The following MEST variants were observed in gnomAD, a reference collection of about 807,000 sequenced individuals.
The protein encoded by MEST is mesoderm specific transcript.
Under a neutral mutation model 50.9 loss-of-function variants are expected in MEST, and 18 were observed. That is an observed-to-expected ratio of 0.35 (90% CI 0.24 to 0.52). The LOEUF (loss-of-function observed/expected upper bound fraction) is 0.52, where lower values mean the gene tolerates loss of function less well. Among genes scored for constraint, MEST ranks in the 20% least tolerant of loss-of-function variants. MEST has a pLI of 0.94. For synonymous variants in MEST, 130 were observed against 154.1 expected (o/e 0.84, Z 1.16); for missense variants, 282 against 425.3 (o/e 0.66, Z 2.96).
chr7:130,501,670 A>C (rs1051464027), intron 9 of MEST, among the ~76,000 whole-genome samples: 1 of 152,004 alleles, frequency 6.6e-6, no homozygotes, highest in African/African-American at 2.4e-5. Flanking sequence ...ATCTGTGGTC[A>C]GATGAAGCTT....
chr7:130,501,379 G>T (rs142432833), intron 9 of MEST, among the ~76,000 whole-genome samples: 6 of 152,288 alleles, frequency 3.9e-5, no homozygotes, highest in African/African-American at 1.2e-4. Context: ...GCTGGGGATT[G>T]TATGTTAGAG....
rs571953447 is a variant in MEST, at chr7:130,494,237, G to A, written c.27-1131G>A. Among the ~76,000 whole-genome samples, 7 of 152,320 alleles carry A rather than the reference G, an allele frequency of 4.6e-5. 1 individual carries two copies. The East Asian group carries it at 9.6e-4, about 21-fold the overall frequency. On this transcript the variant is annotated intron_variant, in intron 1 of 11. Coordinates refer to ENST00000223215, the MANE Select transcript of MEST (RefSeq NM_002402.4). ...TTACAGGCAATAGGGAAGAATGTGTGTACAGACGGAAAGCCATTTCCCCCA... is the reference window on the plus strand; with the variant it reads ...TTACAGGCAATAGGGAAGAATGTGTATACAGACGGAAAGCCATTTCCCCCA...
intron 10 of MEST, among the ~76,000 whole-genome samples, chr7:130,503,533 G>A (rs917010401): frequency 2.0e-5 from 3 of 152,232 alleles, no homozygotes; most frequent in Non-Finnish European, 4.4e-5. Context: ...CTTGGGCTGG[G>A]TGAGGATGCT....
At chr7:130,489,248 TA>T (rs1429828613), upstream of MEST, 3 of 152,242 alleles carry the variant, frequency 2.0e-5, no homozygotes, top group Admixed American at 6.5e-5. Context: ...GGAACTGTGT[TA>T]GACTTGGAAT....
chr7:130,502,186 C>T (rs913775698), intron 9 of MEST, among the ~76,000 whole-genome samples: 12 of 152,126 alleles, frequency 7.9e-5, no homozygotes, highest in African/African-American at 2.9e-4. Flanking sequence ...GCACCTGTGA[C>T]TAGCCACTGC....
chr7:130,502,826 A>G, intron 10 of MEST, 106 bp downstream of exon 10: 1 of 733,000 alleles, frequency 1.4e-6, no homozygotes, highest in Non-Finnish European at 2.2e-6. Context: ...ATAAAAATAT[A>G]AGATACCCAG....
intron 2 of MEST, chr7:130,495,857 T>G: frequency 3.4e-6 from 1 of 292,810 alleles, no homozygotes; most frequent in Non-Finnish European, 6.5e-6. Flanking sequence ...TCTCTCTCCT[T>G]ACCATCCCTG....
chr7:130,495,777 A>ATTTTTT (rs1563021896), intron 2 of MEST: 28 of 201,944 alleles, frequency 1.4e-4, no homozygotes, highest in South Asian at 2.7e-4. Flanking sequence ...TTCCAATATT[A>ATTTTTT]GTTTTTTTTT....
At chr7:130,490,522 G>A (rs1002321381), upstream of MEST, among the ~76,000 whole-genome samples, 2 of 152,258 alleles carry the variant, frequency 1.3e-5, no homozygotes, top group Middle Eastern at 3.4e-3. Context: ...TTTATTAGGG[G>A]CCAGCTTTGT....
upstream of MEST, chr7:130,488,985 A>G (rs1798705456): frequency 6.6e-6 from 1 of 152,156 alleles, no homozygotes; most frequent in Non-Finnish European, 1.5e-5. Flanking sequence ...TTCTCCCATT[A>G]TGAAGTGTTT....
exon 1 of MEST, chr7:130,486,390 A>T (rs958784482): frequency 2.0e-5 from 3 of 152,304 alleles, no homozygotes; most frequent in East Asian, 1.9e-4. Flanking sequence ...GTCTTACCTG[A>T]ATCAGGTAAG....
upstream of MEST, chr7:130,487,866 C>T (rs1380405917): frequency 2.6e-5 from 4 of 152,320 alleles, no homozygotes; most frequent in Admixed American, 1.3e-4. Flanking sequence ...AGGCTGGTCT[C>T]GAACTCCTGA....
Position 130,500,709 on chromosome 7 carries a change from C to A in MEST, c.648-80C>A. 1 of 1,299,216 alleles carries A rather than the reference C, an allele frequency of 7.7e-7. No individual in the cohort carries two copies. Among genetic ancestry groups the A allele is most frequent in the Non-Finnish European group, 1.1e-6 (1 of 926,210 alleles). The allele number at this position is 1,299,216 out of a possible 1,614,324, so 80.5% of individuals were successfully genotyped here. On this transcript the variant is annotated intron_variant, in intron 8 of 11. Coordinates refer to ENST00000223215, the MANE Select transcript of MEST (RefSeq NM_002402.4). The surrounding 1 kb of genome is among the most constrained non-coding windows in gnomAD (Gnocchi z 5.0). The stretch of plus-strand genomic sequence containing the variant: ...GGGTCAGACTGCATGGCCCAGACTG[C>A]ATGGCCTCTGAGGTTCCAGCCATAT...
At position 130,500,495 on chromosome 7, in the gene MEST, C is replaced by T. The variant is rs1554438265; in HGVS notation, c.610C>T (p.Leu204Phe). 1 of 1,613,782 alleles carries T rather than the reference C, an allele frequency of 6.2e-7. No individual in the cohort carries two copies. ...AGATGGAGGTGTGCTGTCACCCATC[C>T]TCACACGACTGATGAACTTCTTTGT... ...LKDGGVLSPILTRLMNFFVFS... is the reference protein window; with the variant it reads ...LKDGGVLSPIFTRLMNFFVFS... The change falls in exon 8 of 12, where the codon CTC becomes TTC. Residue 204 changes from leucine to phenylalanine, a missense_variant. Leu to Phe is a conservative substitution (Grantham distance 22, BLOSUM62 0). Transcript: ENST00000223215. This position sits in a 1 kb window ranked among gnomAD's most constrained non-coding sequence, Gnocchi z 5.0.
chr7:130,487,199 G>A (rs1554433959), upstream of MEST: 1 of 152,160 alleles, frequency 6.6e-6, no homozygotes, highest in African/African-American at 2.4e-5. Flanking sequence ...CTGAAAGAAA[G>A]TAGCTGTTTT....
At position 130,505,926 on chromosome 7, in the gene MEST, G is replaced by GC. The variant is rs1291590806; in HGVS notation, c.*871dup. ...GTGGTTAGAAGCATGTCTCTCTTGA[G>GC]CTACAGTAGAGGGGAAGGGATTGTT... On this transcript the variant is annotated 3_prime_UTR_variant, in exon 12 of 12. Coordinates refer to ENST00000223215, the MANE Select transcript of MEST (RefSeq NM_002402.4). The GC allele has an allele frequency of 6.6e-6, 1 of 152,356 alleles. No individual in the cohort carries two copies. Among genetic ancestry groups the GC allele is most frequent in the African/African-American group, 2.4e-5 (1 of 41,426 alleles). 9.4% of individuals were successfully genotyped at this position (152,356 alleles called of 1,614,324 possible).
upstream of MEST, chr7:130,491,484 G>GT: frequency 6.6e-6 from 1 of 152,454 alleles, no homozygotes; most frequent in East Asian, 1.9e-4. This position sits in a 1 kb window ranked among gnomAD's most constrained non-coding sequence, Gnocchi z 6.8. Flanking sequence ...TACTAGCTTG[G>GT]TGGTGGGTCC....
rs1799120713 is a variant in MEST at position 130,497,801 on chromosome 7, G to A, written c.262-135G>A. 1 of 757,394 alleles carries A rather than the reference G, an allele frequency of 1.3e-6. No homozygotes were observed. The highest frequency in any genetic ancestry group is 2.3e-6 in the Non-Finnish European group (1 of 426,120). The allele number at this position is 757,394 out of a possible 1,614,324, so 46.9% of individuals were successfully genotyped here. A position where few individuals can be genotyped will look rare whatever the true frequency, so the allele number is the denominator to read the frequency against. ...TCCAAGAGGATCATCTGTGGGACCT[G>A]TGGTAGTTTCATGGCGTTTTCTCTT... On this transcript the variant is annotated intron_variant, in intron 3 of 11. Transcript: ENST00000223215. This position sits in a 1 kb window ranked among gnomAD's most constrained non-coding sequence, Gnocchi z 4.0.
intron 11 of MEST, 133 bp from the exon 12 acceptor site, chr7:130,504,806 G>C (rs1190262260): frequency 1.6e-6 from 1 of 607,446 alleles, no homozygotes; most frequent in Non-Finnish European, 3.0e-6. Flanking sequence ...TTTCAGAGTA[G>C]AAGGTGAATA....
Sources: gnomAD v4.1 joint callset for allele counts (sites outside exome capture counted in the v4.1 genomes callset) on GRCh38, gnomAD v4.1.1 for gene constraint, Gnocchi (gnomAD v3.1) non-coding constraint, MANE v1.5 for transcripts, NCBI Gene and HGNC (gene_info 2026-07-23, HGNC 2026-07-21) for gene names.